Variants in AGBL1 observed in about 807,000 individuals in gnomAD.
AGBL1 encodes cytosolic carboxypeptidase 4.
AGBL1 carries 130 observed loss-of-function variants against 118.9 expected under a neutral mutation model. That is an observed-to-expected ratio of 1.09 (90% CI 0.95 to 1.26). AGBL1 has a LOEUF of 1.26. Ranked by LOEUF, AGBL1 falls within the 50% of genes most tolerant of loss-of-function variation. The probability of loss-of-function intolerance (pLI) is 0.00; values close to 1 mark genes in which losing one functional copy is unlikely to be tolerated. For synonymous variants in AGBL1, 555 were observed against 478.9 expected, an observed-to-expected ratio of 1.16 and a Z score of -2.08; for missense variants, 1,584 against 1,298.1, an observed-to-expected ratio of 1.22 and a Z score of -3.38.
chr15:86,114,413 G>A (rs1279559172), intron 1 of AGBL1, among the ~76,000 whole-genome samples: 6 of 152,112 alleles, frequency 3.9e-5, no homozygotes, highest in African/African-American at 1.4e-4. Flanking sequence ...GTGTGTGCCT[G>A]TCTGCAGAAG....
intron 18 of AGBL1, among the ~76,000 whole-genome samples, chr15:86,464,576 T>C (rs1475274061): frequency 6.6e-6 from 1 of 152,190 alleles, no homozygotes; most frequent in African/African-American, 2.4e-5. Context: ...GGCTGTGGGT[T>C]TGTCATAAAT....
At chr15:86,607,380 C>T (rs565400336) in intron 21 of AGBL1, among the ~76,000 whole-genome samples, 2 of 152,284 alleles carry the variant, frequency 1.3e-5, no homozygotes, top group South Asian at 4.1e-4. Flanking sequence ...ATGCTTTAAA[C>T]ATTTGTGAGC....
intron 19 of AGBL1, among the ~76,000 whole-genome samples, chr15:86,535,446 A>G (rs1467423223): frequency 2.0e-5 from 3 of 152,224 alleles, no homozygotes; most frequent in Admixed American, 6.5e-5. Context: ...CTGAGCTGCC[A>G]TATTGCAGCT....
chr15:86,753,479 C>A (rs908564379), intron 22 of AGBL1, among the ~76,000 whole-genome samples: 3 of 144,994 alleles, frequency 2.1e-5, no homozygotes, highest in East Asian at 2.1e-4. Flanking sequence ...CTCACTGCAA[C>A]TTTTGCCTCC....
At chr15:87,028,369 TAGTG>T (rs956128881) in intron 24 of AGBL1, among the ~76,000 whole-genome samples, 2 of 152,012 alleles carry the variant, frequency 1.3e-5, no homozygotes, top group African/African-American at 2.4e-5. Flanking sequence ...CAAACGTGGT[TAGTG>T]AGTAAGTCAG....
intron 18 of AGBL1, among the ~76,000 whole-genome samples, chr15:86,442,104 T>G (rs1299584331): frequency 6.6e-6 from 1 of 152,222 alleles, no homozygotes; most frequent in Admixed American, 6.5e-5. Flanking sequence ...TCGAGACAAC[T>G]GTTTGCAAGG....
At chr15:86,224,077 G>A (rs1395238426) in intron 5 of AGBL1, among the ~76,000 whole-genome samples, 1 of 152,120 alleles carries the variant, frequency 6.6e-6, no homozygotes, top group Non-Finnish European at 1.5e-5. Context: ...GAGAGGTGGT[G>A]GAAACAGATC....
At chr15:86,929,025 A>T (rs955499863) in intron 23 of AGBL1, among the ~76,000 whole-genome samples, 2 of 151,706 alleles carry the variant, frequency 1.3e-5, no homozygotes, top group Non-Finnish European at 2.9e-5. Flanking sequence ...TTTTTTTCAA[A>T]CTCCCTGTCT....
At position 86,940,653 on chromosome 15, in the gene AGBL1, C is replaced by G. The variant is rs192929605; in HGVS notation, c.3222-47334C>G. On this transcript the variant is annotated intron_variant, in intron 23 of 24. Coordinates refer to the AGBL1 transcript ENST00000441037. ...CACTTATGCTGAGGCTCCACATCAC[C>G]AAACCAAAACTGAGTTATCCAACTT... Among the ~76,000 whole-genome samples the G allele has an allele frequency of 3.9e-4, 60 of 152,280 alleles. 3 individuals are homozygous for G. The East Asian group carries it at 0.011, about 29-fold the overall frequency.
In AGBL1 at chr15:86,390,660, A is replaced by ATTTTTTTTTTTTTTTTTT. The variant is rs756052402; in HGVS notation, c.2375-6697_2375-6680dup. Among the ~76,000 whole-genome samples the ATTTTTTTTTTTTTTTTTT allele has an allele frequency of 3.3e-4, 25 of 75,470 alleles. 1 individual carries two copies. The highest frequency in any genetic ancestry group is 5.2e-4 in the Non-Finnish European group (22 of 42,008). 49.5% of individuals were successfully genotyped at this position (75,470 alleles called of 152,430 possible). On this transcript the variant is annotated intron_variant, in intron 17 of 22. Transcript: ENST00000614907. ...AGGCAGAAAAGTTATATACTGTATG[A>ATTTTTTTTTTTTTTTTTT]TTTTTTTTTTTTTTTTTTTTTTTTT...
At chr15:86,854,149 CG>C (rs1567208148) in intron 22 of AGBL1, among the ~76,000 whole-genome samples, 1 of 152,182 alleles carries the variant, frequency 6.6e-6, no homozygotes, top group East Asian at 1.9e-4. Flanking sequence ...ATCCCATTCA[CG>C]GTGTCTCACT....
In AGBL1 at chr15:86,423,187, A is replaced by G. The variant is rs539983029; in HGVS notation, c.2555+25641A>G. 1.3e-3 allele frequency among the ~76,000 whole-genome samples: 201 copies of G among 152,354 alleles called. 1 individual carries two copies. The highest frequency in any genetic ancestry group is 4.6e-3 in the African/African-American group (190 of 41,582). ...ATGAATATCAATGTGAAAATCCTCA[A>G]TAAAACACTGGCAAACTGAATCTAG... On this transcript the variant is annotated intron_variant, in intron 18 of 22. Transcript: ENST00000614907.
chr15:86,904,485 G>T (rs977267999), intron 22 of AGBL1, among the ~76,000 whole-genome samples: 2 of 150,178 alleles, frequency 1.3e-5, no homozygotes, highest in Non-Finnish European at 3.0e-5. Context: ...TTGCATTTGG[G>T]CAAATAAGTG....
intron 22 of AGBL1, among the ~76,000 whole-genome samples, chr15:86,782,897 A>G (rs2078354411): frequency 6.6e-6 from 1 of 152,330 alleles, no homozygotes; most frequent in African/African-American, 2.4e-5. Context: ...CCCAAAGCTA[A>G]CTACTTTCTA....
At chr15:86,389,611 T>C (rs1188596086) in intron 17 of AGBL1, among the ~76,000 whole-genome samples, 1 of 152,104 alleles carries the variant, frequency 6.6e-6, no homozygotes, top group Non-Finnish European at 1.5e-5. Flanking sequence ...AGAGTAAATA[T>C]GTGGTTTAAA....
At chr15:86,646,932 T>C (rs535925635) in intron 21 of AGBL1, among the ~76,000 whole-genome samples, 1 of 152,206 alleles carries the variant, frequency 6.6e-6, no homozygotes, top group Non-Finnish European at 1.5e-5. Context: ...TGAATTAATT[T>C]TTTTCTTAGT....
At chr15:86,624,868 G>T (rs116651112) in intron 21 of AGBL1, among the ~76,000 whole-genome samples, 15 of 152,288 alleles carry the variant, frequency 9.8e-5, no homozygotes, top group African/African-American at 3.6e-4. Context: ...AAGTGAGTCA[G>T]CCCTGAGTCA....
chr15:86,815,318 G>A (rs1454735527), intron 22 of AGBL1, among the ~76,000 whole-genome samples: 2 of 152,136 alleles, frequency 1.3e-5, no homozygotes, highest in Non-Finnish European at 2.9e-5. Context: ...AGAATTAGAT[G>A]AGTTGGGTCA....
At chr15:86,705,055 T>C (rs2086423671) in intron 22 of AGBL1, among the ~76,000 whole-genome samples, 1 of 152,054 alleles carries the variant, frequency 6.6e-6, no homozygotes, top group Non-Finnish European at 1.5e-5. Flanking sequence ...ACACTGCATG[T>C]CCTCACTCAT....
Sources: allele counts gnomAD v4.1 joint callset (sites outside exome capture counted in the v4.1 genomes callset), GRCh38; gene constraint gnomAD v4.1.1; transcripts MANE v1.5; gene names NCBI Gene and HGNC (gene_info 2026-07-23, HGNC 2026-07-21).